GNG2: variants seen among roughly 807,000 people sequenced by gnomAD.
The protein encoded by GNG2 is G protein subunit gamma 2.
A neutral mutation model predicts 5.5 loss-of-function variants in GNG2; 5 were observed. The observed-to-expected ratio is 0.91, with a 90% confidence interval of 0.48 to 1.92. The LOEUF (loss-of-function observed/expected upper bound fraction) is 1.92, where lower values mean the gene tolerates loss of function less well. Among genes scored for constraint, GNG2 ranks in the 30% most tolerant of loss-of-function variants. The probability of loss-of-function intolerance (pLI) is 0.01; values close to 1 mark genes in which losing one functional copy is unlikely to be tolerated. For missense variants in GNG2, 55 were observed against 88.4 expected (o/e 0.62, Z 1.52); for synonymous variants, 28 against 32.0 (o/e 0.88, Z 0.42).
intron 2 of GNG2, among the ~76,000 whole-genome samples, chr14:51,890,118 G>C (rs149059988): frequency 6.8e-4 from 104 of 152,332 alleles, no homozygotes; most frequent in African/African-American, 2.4e-3. Context: ...GTTTCAGGCA[G>C]CTGTGGAGGA....
chr14:51,869,853 A>T (rs1434204046), intron 1 of GNG2, among the ~76,000 whole-genome samples: 1 of 152,172 alleles, frequency 6.6e-6, no homozygotes, highest in Non-Finnish European at 1.5e-5. Context: ...TGTCCAGTGG[A>T]ATTTCCACTC....
intron 2 of GNG2, among the ~76,000 whole-genome samples, chr14:51,907,638 T>A (rs1232611101): frequency 6.6e-6 from 1 of 152,242 alleles, no homozygotes. Context: ...GTCTCAATAA[T>A]GTAACAATTT....
intron 2 of GNG2, among the ~76,000 whole-genome samples, chr14:51,851,685 G>A (rs1305609423): frequency 3.9e-5 from 6 of 152,192 alleles, no homozygotes; most frequent in Admixed American, 3.9e-4. Context: ...ATAATGAAAT[G>A]GGAGTCTGTC....
At chr14:51,898,031 G>T (rs190387285) in intron 2 of GNG2, among the ~76,000 whole-genome samples, 2 of 152,232 alleles carry the variant, frequency 1.3e-5, no homozygotes, top group East Asian at 1.9e-4. Context: ...TCTGGGTATT[G>T]TTTCCCATTT....
chr14:51,906,509 A>T (rs888630634), intron 2 of GNG2, among the ~76,000 whole-genome samples: 3 of 152,204 alleles, frequency 2.0e-5, no homozygotes, highest in African/African-American at 7.2e-5. Flanking sequence ...TTGCATTGGC[A>T]TCTCTAGAAC....
At chr14:51,950,028 C>T (rs1368057718) in intron 2 of GNG2, among the ~76,000 whole-genome samples, 1 of 152,138 alleles carries the variant, frequency 6.6e-6, no homozygotes, top group African/African-American at 2.4e-5. Context: ...ATGTGGGCCA[C>T]CATGCCCAGC....
At chr14:51,862,333 G>A (rs1468920791) in intron 1 of GNG2, among the ~76,000 whole-genome samples, 1 of 152,110 alleles carries the variant, frequency 6.6e-6, no homozygotes, top group Non-Finnish European at 1.5e-5. Context: ...AAACTTGTGG[G>A]CAAAACAAGT....
intron 2 of GNG2, among the ~76,000 whole-genome samples, chr14:51,903,628 C>T (rs1409926219): frequency 6.6e-6 from 1 of 152,210 alleles, no homozygotes; most frequent in East Asian, 1.9e-4. Context: ...CTACGATTTC[C>T]AGTCTTTTCT....
intron 2 of GNG2, among the ~76,000 whole-genome samples, chr14:51,927,067 A>G (rs1240153787): frequency 6.6e-6 from 1 of 152,204 alleles, no homozygotes; most frequent in Admixed American, 6.5e-5. Flanking sequence ...CTCTGATCCC[A>G]TTCTCTCATT....
chr14:51,872,189 C>G (rs1883347408), intron 1 of GNG2, among the ~76,000 whole-genome samples: 1 of 152,202 alleles, frequency 6.6e-6, no homozygotes, highest in Non-Finnish European at 1.5e-5. Flanking sequence ...GTTGTTGCCA[C>G]AGTATAACCT....
intron 2 of GNG2, among the ~76,000 whole-genome samples, chr14:51,849,799 C>A (rs1487386437): frequency 3.2e-5 from 4 of 123,558 alleles, no homozygotes; most frequent in Non-Finnish European, 5.0e-5. Flanking sequence ...AGATACAAAG[C>A]AAATGCTTTT....
chr14:51,925,178 T>G (rs1887235789), intron 2 of GNG2, among the ~76,000 whole-genome samples: 1 of 152,220 alleles, frequency 6.6e-6, no homozygotes, highest in Admixed American at 6.5e-5. Context: ...GCTAATTACC[T>G]TGATTTGATC....
intron 2 of GNG2, among the ~76,000 whole-genome samples, chr14:51,894,009 A>G: frequency 6.6e-6 from 1 of 152,090 alleles, no homozygotes; most frequent in East Asian, 1.9e-4. Flanking sequence ...AGGTTTTAAT[A>G]TCTAGAAAAG....
At chr14:51,891,697 C>T (rs1282756027) in intron 2 of GNG2, among the ~76,000 whole-genome samples, 1 of 152,102 alleles carries the variant, frequency 6.6e-6, no homozygotes, top group Non-Finnish European at 1.5e-5. Context: ...GATTTTTAAC[C>T]AACATTATGT....
At chr14:51,873,685 G>A (rs1255186597) in intron 1 of GNG2, among the ~76,000 whole-genome samples, 2 of 152,240 alleles carry the variant, frequency 1.3e-5, no homozygotes, top group Non-Finnish European at 2.9e-5. Flanking sequence ...TCAACCTTGT[G>A]GAGTGTCTTG....
At chr14:51,929,825 C>T (rs559077124) in intron 2 of GNG2, among the ~76,000 whole-genome samples, 197 of 152,260 alleles carry the variant, frequency 1.3e-3, no homozygotes, top group African/African-American at 4.5e-3. Context: ...ACAGTTGTGG[C>T]GCAGGCTGCT....
intron 2 of GNG2, among the ~76,000 whole-genome samples, chr14:51,946,496 C>T (rs919638334): frequency 3.3e-5 from 5 of 152,138 alleles, no homozygotes; most frequent in Admixed American, 6.5e-5. Flanking sequence ...GAATAAAAAA[C>T]CATTGGGTGG....
chr14:51,862,648 C>A (rs989256486), intron 1 of GNG2, among the ~76,000 whole-genome samples: 2 of 152,340 alleles, frequency 1.3e-5, no homozygotes, highest in South Asian at 4.1e-4. Context: ...GTGTTTCACA[C>A]ATGAGTAAGA....
At chr14:51,945,548 G>T (rs766451052) in intron 2 of GNG2, among the ~76,000 whole-genome samples, 21 of 152,088 alleles carry the variant, frequency 1.4e-4, no homozygotes, top group Non-Finnish European at 3.1e-4. Flanking sequence ...GGAAGTTATT[G>T]TTTGATGGGT....
Sources: allele counts gnomAD v4.1 joint callset (sites outside exome capture counted in the v4.1 genomes callset), GRCh38; gene constraint gnomAD v4.1.1; transcripts MANE v1.5; gene names NCBI Gene and HGNC (gene_info 2026-07-23, HGNC 2026-07-21).